Variants in NOS1 observed in about 807,000 individuals in gnomAD.
NOS1 encodes the protein NOS type I.
In NOS1, 51 loss-of-function variants were observed where a neutral mutation model predicts 164.5. The observed-to-expected ratio is 0.31, with a 90% confidence interval of 0.25 to 0.39. NOS1 has a LOEUF of 0.39. Among genes scored for constraint, NOS1 ranks in the 10% least tolerant of loss-of-function variants. The pLI is 1.00. For missense variants in NOS1, 1,362 were observed against 1,885.6 expected (o/e 0.72, Z 5.14); for synonymous variants, 719 against 745.8 (o/e 0.96, Z 0.59).
At chr12:117,254,391 G>A (rs1871295478) in intron 16 of NOS1, among the ~76,000 whole-genome samples, 1 of 152,214 alleles carries the variant, frequency 6.6e-6, no homozygotes, top group South Asian at 2.1e-4. Flanking sequence ...ACAGGTGTGA[G>A]CCACTGCACC....
chr12:117,322,119 CTTTTCCTTCCTTCCCTCTCT>C (rs1454433609), intron 2 of NOS1, among the ~76,000 whole-genome samples: 4 of 130,500 alleles, frequency 3.1e-5, no homozygotes, highest in East Asian at 2.6e-4. Context: ...CTCCCTTCCC[CTTTTCCTTCCTTCCCTCTCT>C]TTTTCCTTCC....
At chr12:117,352,479 G>C (rs922556271) in intron 1 of NOS1, among the ~76,000 whole-genome samples, 2 of 152,186 alleles carry the variant, frequency 1.3e-5, no homozygotes, top group African/African-American at 4.8e-5. Context: ...TTCTGTTGCT[G>C]ACAGAGGGAA....
At chr12:117,279,174 T>C (rs1818732) in intron 8 of NOS1, among the ~76,000 whole-genome samples, 123,919 of 151,802 alleles carry the variant, frequency 0.82, 50,584 homozygotes, top group East Asian at 0.85. Flanking sequence ...GTCAGGATAT[T>C]GAGAGCATCC....
rs538903303 is a variant in NOS1, at chr12:117,287,178, C to A, written c.1127+896G>T. On this transcript the variant is annotated intron_variant, in intron 5 of 28. Coordinates refer to ENST00000317775, the MANE Select transcript of NOS1 (RefSeq NM_000620.5). ...GCAGTGAGCCAAGATCATGCCACTG[C>A]ACTCCAGCCTGGGTGACAGAGCAAG... Among the ~76,000 whole-genome samples the A allele has an allele frequency of 2.9e-4, 44 of 152,214 alleles. No homozygotes were observed. In the East Asian group the frequency reaches 6.6e-3, roughly 23 times the overall value.
intron 2 of NOS1, among the ~76,000 whole-genome samples, chr12:117,321,894 C>A (rs925220248): frequency 6.6e-6 from 1 of 151,968 alleles, no homozygotes; most frequent in African/African-American, 2.4e-5. Context: ...CATGGGGGAA[C>A]AGAATCCTTC....
At chr12:117,316,521 C>T (rs184480328) in intron 2 of NOS1, among the ~76,000 whole-genome samples, 30 of 152,278 alleles carry the variant, frequency 2.0e-4, no homozygotes, top group Middle Eastern at 3.4e-3. Flanking sequence ...CCACCTGTCA[C>T]GGGAATTTAA....
chr12:117,244,448 A>G (rs1870459372), intron 18 of NOS1, among the ~76,000 whole-genome samples: 1 of 152,142 alleles, frequency 6.6e-6, no homozygotes, highest in Non-Finnish European at 1.5e-5. Context: ...CATGTTGGCC[A>G]GGCTGGTTTC....
intron 1 of NOS1, among the ~76,000 whole-genome samples, chr12:117,335,729 T>TGGGA (rs368456314): frequency 1.1e-4 from 12 of 112,602 alleles, no homozygotes; most frequent in African/African-American, 3.6e-4. Flanking sequence ...ACAGACTATA[T>TGGGA]GAGAGAGAGA....
rs1566048088 is a variant in NOS1 at position 117,265,778 on chromosome 12, T to TTTC, written c.1942-269_1942-268insGAA. On this transcript the variant is annotated intron_variant, in intron 11 of 28. Transcript: ENST00000317775. ...CTCTCCCATCCCACCCCCATCTTTT[T>TTTC]TTTCTTTCTTTCTTTCTTTTTCTTT... Among the ~76,000 whole-genome samples, 338 of 151,928 alleles carry TTTC rather than the reference T, an allele frequency of 2.2e-3. 1 individual carries two copies. The highest frequency in any genetic ancestry group is 7.7e-3 in the African/African-American group (321 of 41,444).
chr12:117,351,218 G>A (rs1876602744), intron 1 of NOS1, among the ~76,000 whole-genome samples: 1 of 152,194 alleles, frequency 6.6e-6, no homozygotes, highest in African/African-American at 2.4e-5. Flanking sequence ...GAGAAGCCAG[G>A]GTATTTCTTT....
chr12:117,284,588 C>T (rs1477732417), intron 7 of NOS1, among the ~76,000 whole-genome samples: 2 of 151,930 alleles, frequency 1.3e-5, no homozygotes, highest in African/African-American at 2.4e-5. Flanking sequence ...CAGGTCACCA[C>T]CAGCAATAGG....
At chr12:117,304,869 C>G (rs1874051118) in intron 3 of NOS1, 1 of 300,802 alleles carries the variant, frequency 3.3e-6, no homozygotes, top group African/African-American at 2.3e-5. Flanking sequence ...GGGATCCCTT[C>G]TGGGATTCCC....
rs1875461288 is a variant in NOS1 at position 117,330,287 on chromosome 12, C to A, written c.725+58G>T. 7.4e-6 allele frequency: 11 copies of A among 1,495,288 alleles called. No homozygotes were observed. The highest frequency in any genetic ancestry group is 1.5e-5 in the African/African-American group (1 of 65,186). The allele number at this position is 1,495,288 out of a possible 1,614,324, so 92.6% of individuals were successfully genotyped here. A position where few individuals can be genotyped will look rare whatever the true frequency, so the allele number is the denominator to read the frequency against. ...CTGAGTCTCAGTAGACGCACATGCACACACACAAGCATGCACACACACACA... is the reference window on the plus strand; with the variant it reads ...CTGAGTCTCAGTAGACGCACATGCAAACACACAAGCATGCACACACACACA... On this transcript the variant is annotated intron_variant, in intron 2 of 28. Coordinates refer to ENST00000317775, the MANE Select transcript of NOS1 (RefSeq NM_000620.5). This position sits in a 1 kb window ranked among gnomAD's most constrained non-coding sequence, Gnocchi z 4.6.
intron 18 of NOS1, chr12:117,245,845 G>A (rs144519078): frequency 0.022 from 3,420 of 152,434 alleles, 54 homozygotes; most frequent in Non-Finnish European, 0.034. Flanking sequence ...TTGAACCCGG[G>A]AGGCGGAGGT....
At chr12:117,352,519 G>C (rs1234060767) in intron 1 of NOS1, among the ~76,000 whole-genome samples, 1 of 152,160 alleles carries the variant, frequency 6.6e-6, no homozygotes, top group African/African-American at 2.4e-5. Context: ...CAATGCCCCT[G>C]ATGTAATGAG....
At chr12:117,341,037 T>A (rs1285661871) in intron 1 of NOS1, among the ~76,000 whole-genome samples, 1 of 152,132 alleles carries the variant, frequency 6.6e-6, no homozygotes, top group East Asian at 1.9e-4. Flanking sequence ...TAGTTAACGT[T>A]TTCTATGTTA....
At position 117,212,452 on chromosome 12, in the gene NOS1, C is replaced by T. The variant is rs1956543843; in HGVS notation, c.*2857G>A. On this transcript the variant is annotated 3_prime_UTR_variant, in exon 29 of 29. Transcript: ENST00000317775. ...AGGGAAACCAAAAGAAGCCCTCTCT[C>T]CTCCCAAGGAGTTTAACATCATCTC... 1.0e-6 allele frequency: 1 copy of T among 985,310 alleles called. No individual in the cohort carries two copies. The highest frequency in any genetic ancestry group is 6.2e-5 in the Admixed American group (1 of 16,250). The allele number at this position is 985,310 out of a possible 1,614,324, so 61.0% of individuals were successfully genotyped here.
chr12:117,330,744 G>A lies in NOS1; in HGVS notation c.326C>T (p.Thr109Ile). The A allele has an allele frequency of 6.2e-7, 1 of 1,614,080 alleles. No homozygotes were observed. Among genetic ancestry groups the A allele is most frequent in the Non-Finnish European group, 8.5e-7 (1 of 1,179,986 alleles). Reference protein sequence around the residue: ...GPEGFTTHLETTFTGDGTPKT... With the variant: ...GPEGFTTHLEITFTGDGTPKT... ...GGGGGTCCCATCACCTGTAAAGGTG[G>A]TCTCCAGGTGCGTGGTGAAACCTTC... is the stretch of plus-strand genomic sequence containing the variant. The change falls in exon 2 of 29, where the codon ACC becomes ATC. Residue 109 changes from threonine (T) to isoleucine (I), a missense_variant. By Grantham distance (89) the Thr-to-Ile change is moderately conservative (BLOSUM62 -1). Coordinates refer to ENST00000317775, the MANE Select transcript of NOS1 (RefSeq NM_000620.5). This position sits in a 1 kb window ranked among gnomAD's most constrained non-coding sequence, Gnocchi z 4.6.
In NOS1 at chr12:117,210,545, T is replaced by G. The variant is rs901834910; in HGVS notation, c.*4764A>C. The G allele has an allele frequency of 2.0e-5, 20 of 985,414 alleles. No homozygotes were observed. The East Asian group carries it at 2.0e-3, about 101-fold the overall frequency. The allele number at this position is 985,414 out of a possible 1,614,324, so 61.0% of individuals were successfully genotyped here. On this transcript the variant is annotated 3_prime_UTR_variant, in exon 29 of 29. Transcript: ENST00000317775. Reference sequence around the variant, plus strand: ...AAACACAGGCTAGAAGTCCACAGATTTCCTAATGGCAAGAATGAAAAGGCT... The same window carrying G: ...AAACACAGGCTAGAAGTCCACAGATGTCCTAATGGCAAGAATGAAAAGGCT...
Sources: gnomAD v4.1 joint callset for allele counts (sites outside exome capture counted in the v4.1 genomes callset) on GRCh38, gnomAD v4.1.1 for gene constraint, Gnocchi (gnomAD v3.1) non-coding constraint, MANE v1.5 for transcripts, NCBI Gene and HGNC (gene_info 2026-07-23, HGNC 2026-07-21) for gene names.